The following TIAM1 variants were observed in gnomAD, a reference collection of about 807,000 sequenced individuals.
TIAM1 encodes rho guanine nucleotide exchange factor TIAM1.
TIAM1 carries 65 observed loss-of-function variants against 163.5 expected under a neutral mutation model. The ratio of observed to expected loss-of-function variants is 0.40; its 90% confidence interval spans 0.33 to 0.49. The LOEUF (loss-of-function observed/expected upper bound fraction) is 0.49. TIAM1 is among the 20% of genes least tolerant of loss of function. The pLI is 0.77. For synonymous variants in TIAM1, 833 were observed against 810.1 expected (o/e 1.03, Z -0.48); for missense variants, 1,789 against 2,044.7 (o/e 0.87, Z 2.41).
At chr21:31,496,938 G>A (rs996030697) in intron 1 of TIAM1, among the ~76,000 whole-genome samples, 1 of 152,174 alleles carries the variant, frequency 6.6e-6, no homozygotes. Flanking sequence ...ATTCTCATAA[G>A]GAGCACGCAA....
At position 31,120,537 on chromosome 21, in the gene TIAM1, C is replaced by G. The variant is rs200787648; in HGVS notation, c.4607G>C (p.Arg1536Pro). ...ERLQATSISQ[R>P]ERGRKTLDSH... is the part of the protein sequence containing the mutation. The stretch of plus-strand genomic sequence containing the variant: ...ATCCAGGGTTTTCCGGCCTCTTTCC[C>G]GCTGACTGATGGAGGTGGCCTGAAG... Residue 1536 changes from arginine to proline, a missense_variant, in exon 28 of 28, where the codon CGG becomes CCG. Transcript: ENST00000541036. This position sits in a 1 kb window ranked among gnomAD's most constrained non-coding sequence, Gnocchi z 4.2. 4 of 1,614,214 alleles carry G rather than the reference C, an allele frequency of 2.5e-6. No homozygotes were observed. Among genetic ancestry groups the G allele is most frequent in the Non-Finnish European group, 3.4e-6 (4 of 1,180,040 alleles).
chr21:31,469,204 A>G (rs932333035), intron 1 of TIAM1, among the ~76,000 whole-genome samples: 4 of 149,428 alleles, frequency 2.7e-5, no homozygotes, highest in Admixed American at 1.4e-4. Context: ...CTTGCCCCTC[A>G]GCCTCCCAAG....
chr21:31,362,442 G>A (rs1296678377), intron 2 of TIAM1, among the ~76,000 whole-genome samples: 6 of 98,200 alleles, frequency 6.1e-5, no homozygotes, highest in Admixed American at 6.0e-4. Flanking sequence ...TTAATGCAGT[G>A]ACAATTATTA....
chr21:31,465,720 G>T (rs570602150), intron 1 of TIAM1, among the ~76,000 whole-genome samples: 75 of 152,242 alleles, frequency 4.9e-4, no homozygotes, highest in African/African-American at 1.8e-3. Flanking sequence ...ACAGGCGCCC[G>T]CCACCATGCC....
chr21:31,289,557 T>C (rs1276608001), intron 2 of TIAM1, among the ~76,000 whole-genome samples: 3 of 152,148 alleles, frequency 2.0e-5, no homozygotes, highest in African/African-American at 7.2e-5. Flanking sequence ...TAAAAGCCGG[T>C]GCAAGATATT....
chr21:31,359,931 T>C (rs1436437193), intron 2 of TIAM1, among the ~76,000 whole-genome samples: 2 of 151,522 alleles, frequency 1.3e-5, no homozygotes, highest in South Asian at 2.1e-4. Flanking sequence ...ACTGAAGAGA[T>C]ACAGGTTGGA....
intron 6 of TIAM1, among the ~76,000 whole-genome samples, chr21:31,242,860 C>CAAAAAAAAA (rs11417948): frequency 2.1e-5 from 2 of 95,024 alleles, no homozygotes; most frequent in Non-Finnish European, 3.9e-5. Context: ...GACTCTGTCT[C>CAAAAAAAAA]AAAAAAAAAA....
At chr21:31,380,417 C>T (rs1412840528) in intron 2 of TIAM1, among the ~76,000 whole-genome samples, 1 of 152,164 alleles carries the variant, frequency 6.6e-6, no homozygotes, top group African/African-American at 2.4e-5. Flanking sequence ...GTGGCACATG[C>T]CGGTAATCTC....
chr21:31,504,923 T>A (rs560927706), intron 1 of TIAM1, among the ~76,000 whole-genome samples: 14 of 152,294 alleles, frequency 9.2e-5, no homozygotes, highest in African/African-American at 3.4e-4. Context: ...GCCCTGATAC[T>A]GCAAGACAGA....
intron 5 of TIAM1, 36 bp from the exon 6 acceptor site, chr21:31,245,696 A>G: frequency 7.0e-7 from 1 of 1,419,292 alleles, no homozygotes; most frequent in Non-Finnish European, 9.3e-7. Flanking sequence ...ATGAGTATTC[A>G]GTGCTTGGGA....
intron 2 of TIAM1, among the ~76,000 whole-genome samples, chr21:31,314,384 C>T (rs888166603): frequency 2.6e-5 from 4 of 152,066 alleles, no homozygotes; most frequent in African/African-American, 9.7e-5. Flanking sequence ...TGTTAGTAAG[C>T]CCACTAAACT....
At chr21:31,478,461 A>G (rs1004277303) in intron 1 of TIAM1, among the ~76,000 whole-genome samples, 2 of 152,208 alleles carry the variant, frequency 1.3e-5, no homozygotes, top group African/African-American at 4.8e-5. Flanking sequence ...TTGTTTGCCT[A>G]CTTTTCACAA....
intron 2 of TIAM1, among the ~76,000 whole-genome samples, chr21:31,370,908 C>A (rs1404432971): frequency 6.6e-6 from 1 of 152,184 alleles, no homozygotes; most frequent in Non-Finnish European, 1.5e-5. Context: ...GCCTGTGCCG[C>A]CCTCTCTCAG....
chr21:31,518,941 T>C, intron 1 of TIAM1, among the ~76,000 whole-genome samples: 1 of 152,266 alleles, frequency 6.6e-6, no homozygotes. Flanking sequence ...ACGCCTGTAA[T>C]CCCAACACTT....
chr21:31,408,133 A>G (rs1328251846), intron 2 of TIAM1, among the ~76,000 whole-genome samples: 1 of 152,220 alleles, frequency 6.6e-6, no homozygotes, highest in African/African-American at 2.4e-5. Flanking sequence ...TTAAAAACCT[A>G]GGATTTACTT....
Position 31,266,850 on chromosome 21 carries a change from G to A in TIAM1, c.123C>T (p.His41=), listed in dbSNP as rs146369813. The A allele has an allele frequency of 2.8e-4, 460 of 1,614,170 alleles. 1 individual carries two copies. In the African/African-American group the frequency reaches 4.7e-3, roughly 17 times the overall value. Residue 41 remains histidine (H), a synonymous_variant, in exon 4 of 28, where the codon CAC becomes CAT. Transcript: ENST00000541036. ...TGTGGATCACCTTCCCCGAGGAAGC[G>A]TGCCTGGTCCTCCGCGTCTTGTGCG... ...RLSHKTRRTR[H]ASSGKVIHRN...
chr21:31,271,287 C>G (rs1191249905), intron 3 of TIAM1, among the ~76,000 whole-genome samples: 2 of 151,950 alleles, frequency 1.3e-5, no homozygotes, highest in Non-Finnish European at 2.9e-5. Flanking sequence ...ACACTTTAAT[C>G]TAAGATGTGA....
At chr21:31,252,721 G>T (rs1457060729) in intron 4 of TIAM1, among the ~76,000 whole-genome samples, 1 of 152,216 alleles carries the variant, frequency 6.6e-6, no homozygotes, top group Non-Finnish European at 1.5e-5. Flanking sequence ...TGACTGAAAA[G>T]ATAGCTAGTG....
At chr21:31,296,024 C>T (rs959809513) in intron 2 of TIAM1, among the ~76,000 whole-genome samples, 3 of 152,308 alleles carry the variant, frequency 2.0e-5, no homozygotes, top group Admixed American at 6.5e-5. Flanking sequence ...GTCTCGAACT[C>T]CTGACCTCAG....
Sources: allele counts gnomAD v4.1 joint callset (sites outside exome capture counted in the v4.1 genomes callset), GRCh38; gene constraint gnomAD v4.1.1; non-coding constraint Gnocchi (gnomAD v3.1); transcripts MANE v1.5; gene names NCBI Gene and HGNC (gene_info 2026-07-23, HGNC 2026-07-21).